The following TMTC3 variants were observed in gnomAD, a reference collection of about 807,000 sequenced individuals.
TMTC3 encodes the protein transmembrane O-mannosyltransferase targeting cadherins 3.
Under a neutral mutation model 92.2 loss-of-function variants are expected in TMTC3, and 52 were observed. The ratio of observed to expected loss-of-function variants is 0.56; its 90% CI spans 0.45 to 0.71. The LOEUF (loss-of-function observed/expected upper bound fraction) is 0.71, where lower values mean the gene tolerates loss of function less well. Ranked by LOEUF, TMTC3 falls within the 30% of genes least tolerant of loss-of-function variation. The probability of loss-of-function intolerance (pLI) is 0.00; values close to 1 mark genes in which losing one functional copy is unlikely to be tolerated. For missense variants in TMTC3, 896 were observed against 1,057.1 expected, an observed-to-expected ratio of 0.85 and a Z score of 2.11; for synonymous variants, 339 against 363.3, an observed-to-expected ratio of 0.93 and a Z score of 0.76.
chr12:88,145,559 A>T (rs2040862475), intron 1 of TMTC3, among the ~76,000 whole-genome samples: 1 of 152,186 alleles, frequency 6.6e-6, no homozygotes, highest in South Asian at 2.1e-4. Flanking sequence ...AATCACAGAA[A>T]CAGTCTGTAG....
chr12:88,189,069 G>T, intron 11 of TMTC3, 123 bp downstream of exon 11: 2 of 601,564 alleles, frequency 3.3e-6, no homozygotes, highest in Non-Finnish European at 5.7e-6. Flanking sequence ...GTTTTATAAA[G>T]AATTACATTT....
In TMTC3 at chr12:88,197,903, C is replaced by G. The variant is rs2041533780; in HGVS notation, c.*2254C>G. ...GAAGATGGAGCCATGCTTGTTTTTC[C>G]AAAAGCTCTTTGAGTGATTCTAATT... On this transcript the variant is annotated 3_prime_UTR_variant, in exon 14 of 14. Transcript: ENST00000266712. 6.5e-6 allele frequency: 1 copy of G among 153,794 alleles called. No homozygotes were observed. Among genetic ancestry groups the G allele is most frequent in the South Asian group, 2.1e-4 (1 of 4,846 alleles). The allele number at this position is 153,794 out of a possible 1,614,324, so 9.5% of individuals were successfully genotyped here.
At chr12:88,154,463 T>G in intron 4 of TMTC3, 76 bp downstream of exon 4, 1 of 953,256 alleles carries the variant, frequency 1.0e-6, no homozygotes, top group Non-Finnish European at 1.6e-6. Context: ...TCCAAGTGCT[T>G]CTTATAACAC....
Position 88,144,640 on chromosome 12 carries a change from AT to A in TMTC3, c.-29+2155del, listed in dbSNP as rs200542169. 1.2e-3 allele frequency among the ~76,000 whole-genome samples: 178 copies of A among 152,316 alleles called. 4 individuals are homozygous for A. In the East Asian group the frequency reaches 0.024, roughly 20 times the overall value. ...GATTGTAACCTAGATCTCAGTGACA[AT>A]TGTAACTAAAAGCAAAATCTTACCT... is the stretch of plus-strand genomic sequence containing the variant. On this transcript the variant is annotated intron_variant, in intron 1 of 13. Transcript: ENST00000266712.
chr12:88,188,746 T>A (rs866085842), intron 10 of TMTC3, 97 bp from the exon 11 acceptor site: 2 of 617,306 alleles, frequency 3.2e-6, no homozygotes, highest in Middle Eastern at 4.6e-4. Context: ...TTACATTGAA[T>A]ACTTGTTTAT....
chr12:88,142,912 G>C (rs2040772070), intron 1 of TMTC3, among the ~76,000 whole-genome samples: 1 of 152,092 alleles, frequency 6.6e-6, no homozygotes, highest in Admixed American at 6.5e-5. Context: ...ACCACTGCCG[G>C]GGGTGGAGAG....
At chr12:88,145,011 G>A (rs910205822) in intron 1 of TMTC3, among the ~76,000 whole-genome samples, 7 of 152,116 alleles carry the variant, frequency 4.6e-5, no homozygotes, top group Non-Finnish European at 1.0e-4. Flanking sequence ...AGGCTTTTGT[G>A]AACAGTTTTA....
At chr12:88,147,732 TTTTTG>T (rs1201612370) in intron 1 of TMTC3, among the ~76,000 whole-genome samples, 1 of 151,956 alleles carries the variant, frequency 6.6e-6, no homozygotes, top group Non-Finnish European at 1.5e-5. Context: ...GGAAGGGAAT[TTTTTG>T]TTTTGTTTTG....
intron 12 of TMTC3, 96 bp downstream of exon 12, chr12:88,190,718 T>A: frequency 2.2e-6 from 3 of 1,355,018 alleles, no homozygotes; most frequent in Non-Finnish European, 3.0e-6. Flanking sequence ...AAAAAAATTA[T>A]GTTTTTAATA....
chr12:88,161,748 A>G (rs2041081907), intron 6 of TMTC3, among the ~76,000 whole-genome samples: 2 of 151,390 alleles, frequency 1.3e-5, no homozygotes, highest in African/African-American at 2.4e-5. Context: ...ATTTTAGAAC[A>G]TCCTCTGCTT....
In TMTC3 at chr12:88,164,822, CTG is replaced by C. The variant is rs558267156; in HGVS notation, c.798-1503_798-1502del. On this transcript the variant is annotated intron_variant, in intron 6 of 13. Coordinates refer to ENST00000266712, the MANE Select transcript of TMTC3 (RefSeq NM_181783.4). ...ATTCAGATAATTTTTAAACCCAAAA[CTG>C]TGTGATATTTTCACATAACTATCCT... 6.8e-4 allele frequency among the ~76,000 whole-genome samples: 103 copies of C among 152,212 alleles called. 2 individuals are homozygous for C. The South Asian group carries it at 7.0e-3, about 10-fold the overall frequency.
intron 10 of TMTC3, among the ~76,000 whole-genome samples, chr12:88,181,588 T>G (rs988392816): frequency 1.3e-5 from 2 of 152,050 alleles, no homozygotes; most frequent in African/African-American, 4.8e-5. Flanking sequence ...GTATGTGTGT[T>G]AAAAATAGGA....
intron 4 of TMTC3, among the ~76,000 whole-genome samples, chr12:88,159,226 A>G (rs2468236): frequency 0.87 from 132,184 of 152,138 alleles, 58,679 homozygotes; most frequent in East Asian, 0.99. Context: ...TTCACAGTTC[A>G]TTACTCTTTA....
rs185165791 is a variant in TMTC3, at chr12:88,164,571, T to C, written c.798-1759T>C. Reference sequence around the variant, plus strand: ...GTTTAAGGCTAGAAAGCAGAAGATATAGTGAATTTTAAGTCTGCATATCAT... The same window carrying C: ...GTTTAAGGCTAGAAAGCAGAAGATACAGTGAATTTTAAGTCTGCATATCAT... On this transcript the variant is annotated intron_variant, in intron 6 of 13. Coordinates refer to ENST00000266712, the MANE Select transcript of TMTC3 (RefSeq NM_181783.4). 1.3e-3 allele frequency among the ~76,000 whole-genome samples: 195 copies of C among 152,314 alleles called. 1 individual carries two copies. In the South Asian group the frequency reaches 0.017, roughly 14 times the overall value.
At chr12:88,189,082 C>G in intron 11 of TMTC3, 136 bp downstream of exon 11, 1 of 570,656 alleles carries the variant, frequency 1.8e-6, no homozygotes. Flanking sequence ...TTACATTTTT[C>G]TAGCTTACTT....
At chr12:88,178,683 A>C (rs1361798090) in intron 10 of TMTC3, among the ~76,000 whole-genome samples, 1 of 152,190 alleles carries the variant, frequency 6.6e-6, no homozygotes, top group Non-Finnish European at 1.5e-5. Context: ...AAATATTTTA[A>C]TTAATTACTT....
intron 4 of TMTC3, 121 bp downstream of exon 4, chr12:88,154,508 T>C (rs572563378): frequency 7.3e-6 from 4 of 546,792 alleles, no homozygotes; most frequent in Middle Eastern, 4.8e-4. Context: ...TCTTTATGTA[T>C]TGTTTTACTT....
chr12:88,184,824 T>TA (rs1046103046), intron 10 of TMTC3, among the ~76,000 whole-genome samples: 1 of 151,976 alleles, frequency 6.6e-6, no homozygotes, highest in Admixed American at 6.6e-5. Context: ...CACACACACA[T>TA]ATGCATGCAC....
intron 7 of TMTC3, among the ~76,000 whole-genome samples, chr12:88,171,755 T>C (rs553739526): frequency 3.3e-5 from 5 of 152,246 alleles, no homozygotes; most frequent in Admixed American, 1.3e-4. Flanking sequence ...ATGGTAGTTC[T>C]ATTTTTAATT....
Sources: gnomAD v4.1 joint callset for allele counts (sites outside exome capture counted in the v4.1 genomes callset) on GRCh38, gnomAD v4.1.1 for gene constraint, MANE v1.5 for transcripts, NCBI Gene and HGNC (gene_info 2026-07-23, HGNC 2026-07-21) for gene names.